Variants in ATOX1 observed in about 807,000 individuals in gnomAD.
ATOX1 encodes the protein antioxidant 1 copper chaperone.
Under a neutral mutation model 7.3 loss-of-function variants are expected in ATOX1, and 4 were observed. The observed-to-expected ratio is 0.55, with a 90% confidence interval of 0.27 to 1.25. The LOEUF is 1.25. ATOX1 is among the 50% of genes most tolerant of loss of function. The pLI is 0.12. For synonymous variants in ATOX1, 25 were observed against 28.7 expected (o/e 0.87, Z 0.41); for missense variants, 68 against 81.6 (o/e 0.83, Z 0.64).
At position 151,758,571 on chromosome 5, in the gene ATOX1, T is replaced by C. The variant is rs1762044622; in HGVS notation, c.-20A>G. ...CGGCATGACTGAGGCAGCGGCGGTG[T>C]GGCGGCGGTGTGGCGGCGGTGTCAG... On this transcript the variant is annotated 5_prime_UTR_variant, in exon 1 of 4. Coordinates refer to ENST00000313115, the MANE Select transcript of ATOX1 (RefSeq NM_004045.4). The C allele has an allele frequency of 1.4e-6, 2 of 1,408,086 alleles. No individual in the cohort carries two copies. The highest frequency in any genetic ancestry group is 9.3e-7 in the Non-Finnish European group (1 of 1,074,308). 87.2% of individuals were successfully genotyped at this position (1,408,086 alleles called of 1,614,324 possible).
intron 1 of ATOX1, chr5:151,752,246 G>A (rs1761961068): frequency 1.4e-6 from 1 of 702,414 alleles, no homozygotes; most frequent in Admixed American, 2.0e-5. Flanking sequence ...AAAACTACAG[G>A]TTCTGGTCAG....
At chr5:151,749,345 C>G (rs1761915095) in intron 2 of ATOX1, among the ~76,000 whole-genome samples, 1 of 151,608 alleles carries the variant, frequency 6.6e-6, no homozygotes, top group African/African-American at 2.4e-5. Context: ...ATTAGCCGGG[C>G]ATGGTGGCCT....
intron 2 of ATOX1, among the ~76,000 whole-genome samples, chr5:151,748,478 T>G (rs542230183): frequency 3.3e-5 from 5 of 152,138 alleles, no homozygotes; most frequent in Non-Finnish European, 5.9e-5. Flanking sequence ...CTGACCCTTC[T>G]CAAGAGGCCA....
At chr5:151,743,237 C>T (rs1761841958) in intron 3 of ATOX1, 1 of 152,222 alleles carries the variant, frequency 6.6e-6, no homozygotes, top group Non-Finnish European at 1.5e-5. Flanking sequence ...TGCCAAAGCC[C>T]TCTTCTGGGG....
intron 1 of ATOX1, 50 bp from the exon 2 acceptor site, chr5:151,751,829 C>G: frequency 6.4e-7 from 1 of 1,550,724 alleles, no homozygotes; most frequent in Non-Finnish European, 8.8e-7. Context: ...GAGTGACCCC[C>G]ACACAGTGCC....
chr5:151,752,129 G>C (rs773242464), intron 1 of ATOX1: 19 of 618,952 alleles, frequency 3.1e-5, no homozygotes, highest in Non-Finnish European at 4.6e-5. Context: ...AGGGCCACCA[G>C]TAACTCTGAC....
chr5:151,748,777 C>T (rs1398441646), intron 2 of ATOX1, among the ~76,000 whole-genome samples: 1 of 152,142 alleles, frequency 6.6e-6, no homozygotes, highest in African/African-American at 2.4e-5. Flanking sequence ...AGGAGAATCA[C>T]TTGAACCTGG....
chr5:151,743,045 G>C (rs1761839732), intron 3 of ATOX1, 86 bp from the exon 4 acceptor site: 1 of 152,388 alleles, frequency 6.6e-6, no homozygotes, highest in Admixed American at 6.5e-5. Flanking sequence ...TGCACTAAGA[G>C]ACAGGGGTGA....
chr5:151,746,685 AT>A (rs1761883424), intron 2 of ATOX1: 1 of 414,378 alleles, frequency 2.4e-6, no homozygotes, highest in Non-Finnish European at 4.4e-6. Context: ...ATTCCTGAAC[AT>A]ACAAAAACAG....
chr5:151,754,920 T>G (rs1043055333), intron 1 of ATOX1, among the ~76,000 whole-genome samples: 2 of 148,264 alleles, frequency 1.3e-5, no homozygotes, highest in East Asian at 3.9e-4. Flanking sequence ...GAGGCGGAGG[T>G]TGCAGTGAGC....
At chr5:151,757,808 C>T (rs1374752669) in intron 1 of ATOX1, among the ~76,000 whole-genome samples, 1 of 152,214 alleles carries the variant, frequency 6.6e-6, no homozygotes, top group African/African-American at 2.4e-5. Flanking sequence ...GAATAAGTTA[C>T]TGGGCTTTTT....
At chr5:151,758,322 C>G (rs549836132) in intron 1 of ATOX1, among the ~76,000 whole-genome samples, 1 of 152,378 alleles carries the variant, frequency 6.6e-6, no homozygotes, top group African/African-American at 2.4e-5. Flanking sequence ...TGGAGGCCTT[C>G]CAGCTCCGAC....
intron 1 of ATOX1, chr5:151,753,940 G>T (rs1363221032): frequency 6.6e-6 from 1 of 152,246 alleles, no homozygotes. Context: ...CGATTTTCCA[G>T]TGCAGACTGT....
chr5:151,754,329 C>G (rs1453585004), intron 1 of ATOX1, among the ~76,000 whole-genome samples: 1 of 152,162 alleles, frequency 6.6e-6, no homozygotes, highest in African/African-American at 2.4e-5. Flanking sequence ...TTTTTTTAGG[C>G]TGGGCAATGT....
chr5:151,747,082 T>TTC (rs1384653289), intron 2 of ATOX1, among the ~76,000 whole-genome samples: 27 of 151,950 alleles, frequency 1.8e-4, no homozygotes, highest in Non-Finnish European at 3.4e-4. Context: ...TTTTTTTTTT[T>TTC]TTCAAAAAAG....
Position 151,758,557 on chromosome 5 carries a change from A to G in ATOX1, c.-6T>C. The G allele has an allele frequency of 1.4e-6, 2 of 1,432,002 alleles. No homozygotes were observed. Among genetic ancestry groups the G allele is most frequent in the Non-Finnish European group, 1.8e-6 (2 of 1,087,998 alleles). The allele number at this position is 1,432,002 out of a possible 1,614,324, so 88.7% of individuals were successfully genotyped here. ...GCGCAACCACTCACCGGCATGACTG[A>G]GGCAGCGGCGGTGTGGCGGCGGTGT... On this transcript the variant is annotated 5_prime_UTR_variant, in exon 1 of 4. Coordinates refer to ENST00000313115, the MANE Select transcript of ATOX1 (RefSeq NM_004045.4).
rs964808669 is a variant in ATOX1, at chr5:151,751,792, CA to C, written c.7-14del. Reference sequence around the variant, plus strand: ...AGAACTCGTGCTTCTGAAACAAACACAGGGGGACCATGACCCGAGCCCTGTA... The same window carrying C: ...AGAACTCGTGCTTCTGAAACAAACACGGGGGACCATGACCCGAGCCCTGTA... On this transcript the variant is annotated splice_polypyrimidine_tract_variant and intron_variant, in intron 1 of 3. Transcript: ENST00000313115. 3 of 1,598,980 alleles carry C rather than the reference CA, an allele frequency of 1.9e-6. No individual in the cohort carries two copies. The highest frequency in any genetic ancestry group is 2.3e-5 in the East Asian group (1 of 44,268).
At chr5:151,749,042 G>T (rs1057261458) in intron 2 of ATOX1, among the ~76,000 whole-genome samples, 4 of 152,068 alleles carry the variant, frequency 2.6e-5, no homozygotes, top group Non-Finnish European at 5.9e-5. Flanking sequence ...AGGCTGCAGT[G>T]AGCCAAGACC....
intron 1 of ATOX1, among the ~76,000 whole-genome samples, chr5:151,756,428 CTTCTTTCTTTCTTTCTT>C (rs749669060): frequency 9.3e-5 from 14 of 150,674 alleles, no homozygotes; most frequent in Middle Eastern, 3.4e-3. Context: ...CTTCTCTTCT[CTTCTTTCTTTCTTTCTT>C]TTCTTTCTCT....
Sources: allele counts gnomAD v4.1 joint callset (sites outside exome capture counted in the v4.1 genomes callset), GRCh38; gene constraint gnomAD v4.1.1; transcripts MANE v1.5; gene names NCBI Gene and HGNC (gene_info 2026-07-23, HGNC 2026-07-21).